Variants in SCAI observed in about 807,000 individuals in gnomAD.
SCAI encodes suppressor of cancer cell invasion.
A neutral mutation model predicts 92.2 loss-of-function variants in SCAI; 24 were observed. The ratio of observed to expected loss-of-function variants is 0.26; its 90% confidence interval spans 0.19 to 0.37. SCAI has a LOEUF of 0.37. SCAI is among the 10% of genes least tolerant of loss of function. SCAI has a pLI of 1.00. For missense variants in SCAI, 450 were observed against 736.2 expected (o/e 0.61, Z 4.50); for synonymous variants, 261 against 258.6 (o/e 1.01, Z -0.09).
At chr9:125,088,693 G>A (rs988661210) in intron 2 of SCAI, among the ~76,000 whole-genome samples, 7 of 152,080 alleles carry the variant, frequency 4.6e-5, no homozygotes, top group Non-Finnish European at 4.4e-5. Flanking sequence ...GCCCATGCTG[G>A]TCTTGAACTC....
At chr9:125,092,354 G>C (rs1476002558) in intron 2 of SCAI, among the ~76,000 whole-genome samples, 1 of 151,876 alleles carries the variant, frequency 6.6e-6, no homozygotes, top group Admixed American at 6.6e-5. Context: ...TTGGGAGGCT[G>C]AGACAGGAGA....
chr9:125,071,932 C>T (rs1440152272), intron 2 of SCAI, among the ~76,000 whole-genome samples: 1 of 152,126 alleles, frequency 6.6e-6, no homozygotes, highest in Non-Finnish European at 1.5e-5. Flanking sequence ...AAATTACTTT[C>T]ACTGCTTAAG....
At chr9:125,022,554 G>C (rs1223636613) in intron 6 of SCAI, among the ~76,000 whole-genome samples, 1 of 152,192 alleles carries the variant, frequency 6.6e-6, no homozygotes, top group African/African-American at 2.4e-5. Context: ...TAGGATTGCA[G>C]GTGTGTGCCA....
intron 3 of SCAI, among the ~76,000 whole-genome samples, chr9:125,049,055 T>C (rs1833503792): frequency 6.6e-6 from 1 of 152,122 alleles, no homozygotes; most frequent in African/African-American, 2.4e-5. Context: ...AGGAGCATAT[T>C]TAATAAAAAT....
chr9:125,118,191 G>C (rs1207278469), intron 2 of SCAI, among the ~76,000 whole-genome samples: 1 of 151,922 alleles, frequency 6.6e-6, no homozygotes, highest in East Asian at 1.9e-4. Flanking sequence ...CATTTAAAAG[G>C]CTTGTTAAAA....
At chr9:125,040,761 G>A (rs568808447) in intron 3 of SCAI, among the ~76,000 whole-genome samples, 1 of 151,906 alleles carries the variant, frequency 6.6e-6, no homozygotes, top group African/African-American at 2.4e-5. Context: ...GAGTAGATGG[G>A]ATTACAGGTG....
intron 9 of SCAI, among the ~76,000 whole-genome samples, chr9:125,010,656 G>C (rs1401952967): frequency 6.6e-6 from 1 of 152,206 alleles, no homozygotes; most frequent in Non-Finnish European, 1.5e-5. Flanking sequence ...AAATGTCCCT[G>C]TCTGACAGCT....
intron 2 of SCAI, 78 bp downstream of exon 2, chr9:125,142,555 A>C (rs2131281270): frequency 3.0e-6 from 3 of 1,006,298 alleles, no homozygotes; most frequent in Middle Eastern, 4.1e-4. Context: ...TACTGACAGT[A>C]TACAATTATG....
chr9:125,023,030 A>G (rs74309926), intron 6 of SCAI, among the ~76,000 whole-genome samples: 1 of 152,218 alleles, frequency 6.6e-6, no homozygotes, highest in African/African-American at 2.4e-5. Context: ...AATGGATATC[A>G]GAATGGTTTA....
chr9:124,948,261 T>C lies in SCAI; in HGVS notation c.*4546A>G, dbSNP rs1318445756. On this transcript the variant is annotated 3_prime_UTR_variant, in exon 18 of 18. Transcript: ENST00000336505. Reference sequence around the variant, plus strand: ...TCTATCAGGAAAACTCCAGCCACAATTGGATTGCACTTTGCTTCTGAAATC... The same window carrying C: ...TCTATCAGGAAAACTCCAGCCACAACTGGATTGCACTTTGCTTCTGAAATC... 2.0e-5 allele frequency: 3 copies of C among 152,182 alleles called. No homozygotes were observed. The highest frequency in any genetic ancestry group is 4.4e-5 in the Non-Finnish European group (3 of 68,016). 9.4% of individuals were successfully genotyped at this position (152,182 alleles called of 1,614,324 possible). A position where few individuals can be genotyped will look rare whatever the true frequency, so the allele number is the denominator to read the frequency against.
chr9:125,017,096 TC>T (rs1268140782), intron 9 of SCAI, among the ~76,000 whole-genome samples: 1 of 152,050 alleles, frequency 6.6e-6, no homozygotes, highest in Non-Finnish European at 1.5e-5. Flanking sequence ...CTCTTACAGA[TC>T]AATAAGAAAA....
chr9:125,092,361 G>C (rs1368417902), intron 2 of SCAI, among the ~76,000 whole-genome samples: 1 of 151,828 alleles, frequency 6.6e-6, no homozygotes, highest in Non-Finnish European at 1.5e-5. Flanking sequence ...GCTGAGACAG[G>C]AGAATAGCTT....
intron 2 of SCAI, among the ~76,000 whole-genome samples, chr9:125,115,908 T>C (rs897074875): frequency 5.9e-5 from 9 of 152,172 alleles, no homozygotes; most frequent in African/African-American, 2.2e-4. Flanking sequence ...AGTACACATA[T>C]GTTGGGCCAG....
rs774230577 is a variant in SCAI at position 125,018,854 on chromosome 9, A to G, written c.806T>C (p.Ile269Thr). The change falls in exon 9 of 18, where the codon ATT becomes ACT. Residue 269 changes from isoleucine (I) to threonine (T), a missense_variant. Around this residue, in one of 3 missense-constraint regions of SCAI, gnomAD observed 360 missense variants for 601.8 expected, o/e 0.60. Coordinates refer to ENST00000336505, the MANE Select transcript of SCAI (RefSeq NM_001144877.3). ...GTCAGCCAGAGACAACTGTCCCACA[A>G]TCATGCCCTGTTCCAGCAATGGGGC... is the stretch of plus-strand genomic sequence containing the variant. The part of the protein sequence containing the change: ...TGAPLLEQGM[I>T]VGQLSLADAL... 1.9e-6 allele frequency: 3 copies of G among 1,614,076 alleles called. No individual in the cohort carries two copies. Among genetic ancestry groups the G allele is most frequent in the East Asian group, 2.2e-5 (1 of 44,866 alleles).
At chr9:125,040,040 T>C (rs898725943) in intron 3 of SCAI, among the ~76,000 whole-genome samples, 2 of 152,190 alleles carry the variant, frequency 1.3e-5, no homozygotes, top group Non-Finnish European at 2.9e-5. Flanking sequence ...TTCAACTTTA[T>C]TCCCCACAAA....
intron 14 of SCAI, among the ~76,000 whole-genome samples, chr9:124,989,880 C>T (rs1832082001): frequency 7.7e-6 from 1 of 130,246 alleles, no homozygotes; most frequent in Non-Finnish European, 1.6e-5. Context: ...GCATCTCACA[C>T]ACACACAAAA....
intron 11 of SCAI, among the ~76,000 whole-genome samples, chr9:125,002,785 A>G (rs761041349): frequency 5.9e-5 from 9 of 151,850 alleles, no homozygotes; most frequent in Non-Finnish European, 4.4e-5. Context: ...CGCCTGGCCA[A>G]TTCTGCATTG....
intron 14 of SCAI, among the ~76,000 whole-genome samples, chr9:124,986,557 A>T (rs545854559): frequency 6.6e-6 from 1 of 152,360 alleles, no homozygotes; most frequent in South Asian, 2.1e-4. Flanking sequence ...TCTAATACAC[A>T]TATTTAATTG....
In SCAI at chr9:124,952,662, AT is replaced by A. The variant is rs561640799; in HGVS notation, c.*144del. On this transcript the variant is annotated 3_prime_UTR_variant, in exon 18 of 18. Transcript: ENST00000336505. ...AAACAGTTACCCTAAAAGTGTGAAC[AT>A]TTTTTTGTTTGTTTTTAAAATGGTG... The A allele has an allele frequency of 2.0e-4, 121 of 610,896 alleles. No individual in the cohort carries two copies. The highest frequency in any genetic ancestry group is 1.9e-3 in the African/African-American group (102 of 53,346). The allele number at this position is 610,896 out of a possible 1,614,324, so 37.8% of individuals were successfully genotyped here.
Sources: allele counts gnomAD v4.1 joint callset (sites outside exome capture counted in the v4.1 genomes callset), GRCh38; gene constraint gnomAD v4.1.1; regional missense constraint gnomAD v4.1.1; transcripts MANE v1.5; gene names NCBI Gene and HGNC (gene_info 2026-07-23, HGNC 2026-07-21).